NRXN1: variants seen among roughly 807,000 people sequenced by gnomAD.
NRXN1 encodes the protein neurexin 1, also known as neurexin-1.
A neutral mutation model predicts 150.9 loss-of-function variants in NRXN1; 39 were observed. That is an observed-to-expected ratio of 0.26 (90% CI 0.20 to 0.34). The LOEUF is 0.34. NRXN1 is among the 10% of genes least tolerant of loss of function. The probability of loss-of-function intolerance (pLI) is 1.00; values close to 1 mark genes in which losing one functional copy is unlikely to be tolerated. For missense variants in NRXN1, 1,815 were observed against 1,949.9 expected (o/e 0.93, Z 1.30); for synonymous variants, 924 against 757.0 (o/e 1.22, Z -3.62).
In NRXN1 at chr2:50,506,533, C is replaced by G. The variant is rs80293130; in HGVS notation, c.2459G>C (p.Ser820Thr). Residue 820 changes from serine (S) to threonine (T), a missense_variant, in exon 13 of 23, where the codon AGT (serine) becomes ACT (threonine). Ser to Thr is a moderately conservative substitution (Grantham distance 58). Coordinates refer to ENST00000401669, the MANE Select transcript of NRXN1 (RefSeq NM_001330078.2). ...TTGGTCATCCACTGTTAACTTTAAACTTTTTCCACGCCGAACTACACGCAC... is the reference window on the plus strand; with the variant it reads ...TTGGTCATCCACTGTTAACTTTAAAGTTTTTCCACGCCGAACTACACGCAC... ...HTVRVVRRGK[S>T]LKLTVDDQQA... is the part of the protein sequence containing the mutation. 1 of 1,613,096 alleles carries G rather than the reference C, an allele frequency of 6.2e-7. No homozygotes were observed. Among genetic ancestry groups the G allele is most frequent in the South Asian group, 1.1e-5 (1 of 91,002 alleles).
chr2:50,360,187 T>C (rs1264947692), intron 17 of NRXN1, among the ~76,000 whole-genome samples: 1 of 152,176 alleles, frequency 6.6e-6, no homozygotes, highest in Non-Finnish European at 1.5e-5. Flanking sequence ...ATTGGCACTA[T>C]GAAGAAACTG....
At chr2:51,003,246 A>T (rs1338039909) in intron 2 of NRXN1, among the ~76,000 whole-genome samples, 1 of 151,980 alleles carries the variant, frequency 6.6e-6, no homozygotes, top group East Asian at 1.9e-4. Flanking sequence ...CCAGTGGACC[A>T]GTTAGGGGCA....
intron 18 of NRXN1, among the ~76,000 whole-genome samples, chr2:50,135,380 T>A (rs746534235): frequency 6.6e-6 from 1 of 152,180 alleles, no homozygotes; most frequent in Admixed American, 6.5e-5. Context: ...TTATTAAGTC[T>A]TTTCTTACAA....
intron 8 of NRXN1, among the ~76,000 whole-genome samples, chr2:50,605,516 C>G (rs1194821176): frequency 6.6e-6 from 1 of 152,040 alleles, no homozygotes; most frequent in Admixed American, 6.6e-5. Flanking sequence ...AAATGGCCAA[C>G]AGGTATGTAA....
chr2:50,626,279 G>C (rs1681028818), intron 5 of NRXN1, among the ~76,000 whole-genome samples: 1 of 151,320 alleles, frequency 6.6e-6, no homozygotes, highest in African/African-American at 2.4e-5. Flanking sequence ...AAAAAAACAG[G>C]TAAAAAGCTG....
At chr2:49,924,768 A>G (rs528197373) in intron 22 of NRXN1, among the ~76,000 whole-genome samples, 1 of 152,338 alleles carries the variant, frequency 6.6e-6, no homozygotes, top group East Asian at 1.9e-4. Context: ...AATATAACCT[A>G]GAAAATCTCT....
chr2:49,984,718 AAC>A (rs149322054), intron 21 of NRXN1, among the ~76,000 whole-genome samples: 4,084 of 146,734 alleles, frequency 0.028, 104 homozygotes, highest in African/African-American at 0.065. Context: ...AGAACACACA[AAC>A]ACACACACAC....
chr2:50,474,519 T>G (rs4297925), intron 15 of NRXN1, among the ~76,000 whole-genome samples: 2 of 151,532 alleles, frequency 1.3e-5, no homozygotes, highest in Non-Finnish European at 2.9e-5. Flanking sequence ...CAAACCTCTG[T>G]GCATTTCCTC....
chr2:50,225,950 T>C (rs1426158918), intron 18 of NRXN1, among the ~76,000 whole-genome samples: 1 of 152,044 alleles, frequency 6.6e-6, no homozygotes, highest in East Asian at 1.9e-4. Context: ...ATATGTGGTA[T>C]ACTAAAGGGT....
At chr2:50,566,538 A>AG (rs1432185008) in intron 8 of NRXN1, among the ~76,000 whole-genome samples, 1 of 151,556 alleles carries the variant, frequency 6.6e-6, no homozygotes, top group East Asian at 1.9e-4. Context: ...TACAGGCGTG[A>AG]GCCACCGTGC....
intron 8 of NRXN1, among the ~76,000 whole-genome samples, chr2:50,605,599 T>C (rs1573755173): frequency 6.6e-6 from 1 of 152,194 alleles, no homozygotes; most frequent in East Asian, 1.9e-4. Context: ...CTCATGCCTG[T>C]TAGGCTGGCT....
intron 5 of NRXN1, among the ~76,000 whole-genome samples, chr2:50,874,085 G>T (rs1239740038): frequency 6.6e-6 from 1 of 151,828 alleles, no homozygotes; most frequent in Non-Finnish European, 1.5e-5. Flanking sequence ...AAAATTATTT[G>T]TTAAATTAGT....
intron 5 of NRXN1, among the ~76,000 whole-genome samples, chr2:50,737,436 C>A (rs1297066152): frequency 6.6e-6 from 1 of 152,120 alleles, no homozygotes; most frequent in Non-Finnish European, 1.5e-5. Flanking sequence ...ATATTATTCT[C>A]CTTTTTATCA....
chr2:50,136,468 T>C (rs1473908918), intron 18 of NRXN1, among the ~76,000 whole-genome samples: 1 of 152,198 alleles, frequency 6.6e-6, no homozygotes, highest in Non-Finnish European at 1.5e-5. Context: ...CATTTAATAT[T>C]GTTAAAATAA....
intron 19 of NRXN1, among the ~76,000 whole-genome samples, chr2:50,059,173 G>A (rs1176114404): frequency 1.3e-5 from 2 of 152,130 alleles, no homozygotes; most frequent in African/African-American, 2.4e-5. Context: ...CTAGGCTGAG[G>A]TGGTCTCAGA....
chr2:50,578,129 G>C (rs1326468497), intron 8 of NRXN1, among the ~76,000 whole-genome samples: 1 of 152,082 alleles, frequency 6.6e-6, no homozygotes, highest in Non-Finnish European at 1.5e-5. Flanking sequence ...AGGACACAAC[G>C]GCCCTGAAAA....
chr2:50,033,480 G>GACAGATTA (rs1236021779), intron 21 of NRXN1, among the ~76,000 whole-genome samples: 1 of 151,964 alleles, frequency 6.6e-6, no homozygotes, highest in East Asian at 1.9e-4. Context: ...ATTAACTCAG[G>GACAGATTA]ACAGATTAAC....
At chr2:50,841,151 G>A (rs1000623414) in intron 5 of NRXN1, 1 of 152,538 alleles carries the variant, frequency 6.6e-6, no homozygotes, top group Non-Finnish European at 1.5e-5. Flanking sequence ...TTACCTAGAG[G>A]AAAGAGACAG....
intron 18 of NRXN1, among the ~76,000 whole-genome samples, chr2:50,146,705 T>A (rs538955685): frequency 1.6e-4 from 25 of 151,686 alleles, no homozygotes; most frequent in Non-Finnish European, 1.5e-5. Flanking sequence ...ACATAGTTTT[T>A]ATGTTAGGCT....
Sources: allele counts gnomAD v4.1 joint callset (sites outside exome capture counted in the v4.1 genomes callset), GRCh38; gene constraint gnomAD v4.1.1; transcripts MANE v1.5; gene names NCBI Gene and HGNC (gene_info 2026-07-23, HGNC 2026-07-21).